EXOC6B: variants seen among roughly 807,000 people sequenced by gnomAD.
EXOC6B encodes the protein SEC15 homolog B.
In EXOC6B, 54 loss-of-function variants were observed where a neutral mutation model predicts 113.5. The ratio of observed to expected loss-of-function variants is 0.48; its 90% CI spans 0.38 to 0.60. The LOEUF (loss-of-function observed/expected upper bound fraction) is 0.60, where lower values mean the gene tolerates loss of function less well. Ranked by LOEUF, EXOC6B falls within the 20% of genes least tolerant of loss-of-function variation. The pLI, the probability that EXOC6B is intolerant of heterozygous loss-of-function variation, is 0.00. For missense variants in EXOC6B, 797 were observed against 977.5 expected (o/e 0.82, Z 2.46); for synonymous variants, 357 against 339.0 (o/e 1.05, Z -0.58).
intron 20 of EXOC6B, among the ~76,000 whole-genome samples, chr2:72,322,329 C>A (rs1687883667): frequency 6.6e-6 from 1 of 151,944 alleles, no homozygotes; most frequent in South Asian, 2.1e-4. Context: ...AAAGGGTGCA[C>A]AAAAGAATAT....
At chr2:72,429,431 C>T (rs957196042) in intron 18 of EXOC6B, among the ~76,000 whole-genome samples, 3 of 152,150 alleles carry the variant, frequency 2.0e-5, no homozygotes, top group African/African-American at 7.2e-5. Flanking sequence ...TAAAGTGGTT[C>T]GATTTGATAT....
chr2:72,231,329 A>G (rs926152214), intron 20 of EXOC6B, among the ~76,000 whole-genome samples: 1 of 152,204 alleles, frequency 6.6e-6, no homozygotes, highest in Non-Finnish European at 1.5e-5. Flanking sequence ...TCCTTCTCCA[A>G]AATAAATTAT....
At chr2:72,495,580 C>A in intron 14 of EXOC6B, 41 bp from the exon 15 acceptor site, 1 of 1,049,750 alleles carries the variant, frequency 9.5e-7, no homozygotes, top group Non-Finnish European at 1.4e-6. Flanking sequence ...CACAAACCAA[C>A]GAAGATTGAA....
intron 7 of EXOC6B, among the ~76,000 whole-genome samples, chr2:72,567,588 T>C (rs766675161): frequency 5.9e-5 from 9 of 152,106 alleles, no homozygotes; most frequent in Non-Finnish European, 1.0e-4. Context: ...ATGCCCATGT[T>C]AGTTTCTAAA....
chr2:72,740,986 C>T (rs1394605143), intron 2 of EXOC6B, among the ~76,000 whole-genome samples: 1 of 151,944 alleles, frequency 6.6e-6, no homozygotes, highest in Non-Finnish European at 1.5e-5. Context: ...CGCCTGTAGT[C>T]CCAGCTATTC....
chr2:72,779,409 T>C (rs1196865555), intron 1 of EXOC6B, among the ~76,000 whole-genome samples: 1 of 152,042 alleles, frequency 6.6e-6, no homozygotes, highest in Non-Finnish European at 1.5e-5. Context: ...ACAAATTTTA[T>C]ATATATACAC....
intron 18 of EXOC6B, among the ~76,000 whole-genome samples, chr2:72,441,259 A>G (rs1696182730): frequency 6.6e-6 from 1 of 152,208 alleles, no homozygotes; most frequent in South Asian, 2.1e-4. Context: ...TAGGTGGGAA[A>G]TTTATAGCAT....
chr2:72,541,686 T>C (rs889003887), intron 8 of EXOC6B, among the ~76,000 whole-genome samples: 1 of 152,200 alleles, frequency 6.6e-6, no homozygotes, highest in Non-Finnish European at 1.5e-5. Context: ...TAAAAGTCCT[T>C]TTTATAATAT....
At chr2:72,266,266 C>T (rs917200553) in intron 20 of EXOC6B, among the ~76,000 whole-genome samples, 10 of 150,230 alleles carry the variant, frequency 6.7e-5, no homozygotes, top group Admixed American at 1.3e-4. Flanking sequence ...TAATGAGATC[C>T]CATTTGTCAA....
intron 1 of EXOC6B, among the ~76,000 whole-genome samples, chr2:72,789,548 T>C (rs914926315): frequency 4.6e-5 from 7 of 152,206 alleles, no homozygotes; most frequent in African/African-American, 1.4e-4. Flanking sequence ...TTGGGTCTGA[T>C]TACATGAATA....
At chr2:72,185,791 G>A (rs1209707337) in intron 20 of EXOC6B, among the ~76,000 whole-genome samples, 7 of 147,264 alleles carry the variant, frequency 4.8e-5, no homozygotes, top group East Asian at 2.0e-4. Context: ...TGTGCACAAC[G>A]TGCAGGTTTG....
At chr2:72,460,984 T>A (rs1697612262) in intron 18 of EXOC6B, among the ~76,000 whole-genome samples, 1 of 151,266 alleles carries the variant, frequency 6.6e-6, no homozygotes, top group Non-Finnish European at 1.5e-5. Context: ...ATAGACTGGA[T>A]TAAGAAAATG....
intron 6 of EXOC6B, among the ~76,000 whole-genome samples, chr2:72,648,513 A>G (rs989444381): frequency 2.0e-5 from 3 of 152,232 alleles, no homozygotes; most frequent in African/African-American, 4.8e-5. Context: ...CACAATAGCA[A>G]AATCTTGGAA....
At chr2:72,318,641 C>A (rs1449566670) in intron 20 of EXOC6B, among the ~76,000 whole-genome samples, 1 of 152,276 alleles carries the variant, frequency 6.6e-6, no homozygotes, top group African/African-American at 2.4e-5. Context: ...ATCCACCCAC[C>A]TCTAGTAGGT....
At chr2:72,269,320 T>G (rs1684333718) in intron 20 of EXOC6B, among the ~76,000 whole-genome samples, 1 of 152,114 alleles carries the variant, frequency 6.6e-6, no homozygotes, top group Non-Finnish European at 1.5e-5. Flanking sequence ...GTATTTAAGG[T>G]ATGGAGAAAC....
chr2:72,221,897 C>T (rs956527979), intron 20 of EXOC6B, among the ~76,000 whole-genome samples: 2 of 152,164 alleles, frequency 1.3e-5, no homozygotes, highest in African/African-American at 2.4e-5. Context: ...TGACTAAATT[C>T]TTTTATCTGT....
At chr2:72,816,721 A>G (rs535768496) in intron 1 of EXOC6B, among the ~76,000 whole-genome samples, 3 of 152,364 alleles carry the variant, frequency 2.0e-5, no homozygotes, top group Non-Finnish European at 2.9e-5. Context: ...GATGATAACT[A>G]ACAAACTCTT....
intron 16 of EXOC6B, among the ~76,000 whole-genome samples, chr2:72,489,745 T>G (rs1470967586): frequency 6.6e-6 from 1 of 152,122 alleles, no homozygotes; most frequent in South Asian, 2.1e-4. Flanking sequence ...CCTAGGAAAA[T>G]AGCCATTCTC....
intron 18 of EXOC6B, among the ~76,000 whole-genome samples, chr2:72,417,195 G>C (rs1694577540): frequency 1.3e-5 from 2 of 152,106 alleles, no homozygotes; most frequent in African/African-American, 4.8e-5. Flanking sequence ...ATTACTGTCA[G>C]ATACTCTGGC....
Sources: allele counts gnomAD v4.1 joint callset (sites outside exome capture counted in the v4.1 genomes callset), GRCh38; gene constraint gnomAD v4.1.1; transcripts MANE v1.5; gene names NCBI Gene and HGNC (gene_info 2026-07-23, HGNC 2026-07-21).